Variants in CCDC154 observed in about 807,000 individuals in gnomAD.
CCDC154 encodes coiled-coil domain-containing protein 154.
A neutral mutation model predicts 87.5 loss-of-function variants in CCDC154; 91 were observed. The ratio of observed to expected loss-of-function variants is 1.04; its 90% CI spans 0.88 to 1.24. The LOEUF is 1.24. Among genes scored for constraint, CCDC154 ranks in the 50% most tolerant of loss-of-function variants. The probability of loss-of-function intolerance (pLI) is 0.00; values close to 1 mark genes in which losing one functional copy is unlikely to be tolerated. For synonymous variants in CCDC154, 418 were observed against 400.4 expected (o/e 1.04, Z -0.52); for missense variants, 903 against 879.2 (o/e 1.03, Z -0.34).
intron 13 of CCDC154, among the ~76,000 whole-genome samples, 179 bp from the exon 14 acceptor site, chr16:1,436,265 G>C (rs1011665900): frequency 6.6e-6 from 1 of 152,186 alleles, no homozygotes; most frequent in Non-Finnish European, 1.5e-5. Flanking sequence ...GGAGGGGCTG[G>C]AGGCGCCTCA....
At chr16:1,442,276 A>G in intron 6 of CCDC154, 130 bp downstream of exon 6, 1 of 1,116,702 alleles carries the variant, frequency 9.0e-7, no homozygotes, top group Middle Eastern at 2.8e-4. Flanking sequence ...ATTGTCTACA[A>G]CTATAGCTGA....
At position 1,436,513 on chromosome 16, in the gene CCDC154, ACT is replaced by A. The variant is rs773221815; in HGVS notation, c.1417_1418del (p.Ser473CysfsTer9). On this transcript the variant is annotated frameshift_variant, in exon 13 of 17. Transcript: ENST00000389176. LOFTEE classifies it high-confidence loss of function. ...KVDGLPQQIESVSDKCLLHKS... is the reference protein window; with the variant it reads ...KVDGLPQQIEXVSDKCLLHKS... Reference sequence around the variant, plus strand: ...TATGAAGCAGGCACTTGTCGGAGACACTCTCTATCTGAACACAGAGCCGGGAG... The same window carrying A: ...TATGAAGCAGGCACTTGTCGGAGACACTCTATCTGAACACAGAGCCGGGAG... 16 of 1,548,998 alleles carry A rather than the reference ACT, an allele frequency of 1.0e-5. No homozygotes were observed. The highest frequency in any genetic ancestry group is 2.4e-5 in the South Asian group (2 of 84,058).
chr16:1,439,850 A>G lies in CCDC154; in HGVS notation c.676-724T>C, dbSNP rs370580664. On this transcript the variant is annotated intron_variant, in intron 6 of 16. Transcript: ENST00000389176. Reference sequence around the variant, plus strand: ...ATGTAAAAAATGTTCCTGTGTGCCAATAAAACTTTATTTACAAAAACAAGC... The same window carrying G: ...ATGTAAAAAATGTTCCTGTGTGCCAGTAAAACTTTATTTACAAAAACAAGC... Among the ~76,000 whole-genome samples, 3 of 152,128 alleles carry G rather than the reference A, an allele frequency of 2.0e-5. No homozygotes were observed. In the East Asian group the frequency reaches 5.8e-4, roughly 29 times the overall value.
chr16:1,444,454 T>C lies in CCDC154; in HGVS notation c.-132A>G. On this transcript the variant is annotated 5_prime_UTR_variant, in exon 1 of 17. Coordinates refer to ENST00000389176, the MANE Select transcript of CCDC154 (RefSeq NM_001143980.3). ...GAAGTCCCGTGAGAGCTCTGGGCCT[T>C]GAGGGACGAGCTGCTGCCCTCGTCT... is the stretch of plus-strand genomic sequence containing the variant. The C allele has an allele frequency of 1.0e-6, 1 of 952,964 alleles. No individual in the cohort carries two copies. The allele number at this position is 952,964 out of a possible 1,614,324, so 59.0% of individuals were successfully genotyped here.
rs1356555919 is a variant in CCDC154 at position 1,434,542 on chromosome 16, G to C, written c.1878-8C>G. 6 of 1,541,758 alleles carry C rather than the reference G, an allele frequency of 3.9e-6. No homozygotes were observed. Among genetic ancestry groups the C allele is most frequent in the Admixed American group, 3.9e-5 (2 of 50,798 alleles). The stretch of plus-strand genomic sequence containing the variant: ...GCCTTCCAGCGCAGCCACCTGTCCA[G>C]AGATGCGGCACATGGCCCCTGCACC... On this transcript the variant is annotated splice_region_variant and splice_polypyrimidine_tract_variant and intron_variant, in intron 16 of 16. Coordinates refer to ENST00000389176, the MANE Select transcript of CCDC154 (RefSeq NM_001143980.3).
Position 1,437,762 on chromosome 16 carries a change from G to T in CCDC154, c.1290+55C>A, listed in dbSNP as rs115273209. On this transcript the variant is annotated intron_variant, in intron 11 of 16. Coordinates refer to ENST00000389176, the MANE Select transcript of CCDC154 (RefSeq NM_001143980.3). ...TGGGGGCAGTGGTGGGCTGAGAGCT[G>T]GAGGGGTGGGGACTCCCCATAGCCC... The T allele has an allele frequency of 1.5e-3, 2,196 of 1,484,604 alleles. 25 individuals are homozygous for T. In the African/African-American group the frequency reaches 0.026, roughly 17 times the overall value. The allele number at this position is 1,484,604 out of a possible 1,614,324, so 92.0% of individuals were successfully genotyped here. A position where few individuals can be genotyped will look rare whatever the true frequency, so the allele number is the denominator to read the frequency against.
chr16:1,436,312 G>A (rs1480744766), intron 13 of CCDC154, 133 bp downstream of exon 13: 4 of 922,384 alleles, frequency 4.3e-6, no homozygotes, highest in African/African-American at 1.6e-5. Flanking sequence ...GCCCGGTGCT[G>A]GGCCAGGCCC....
intron 6 of CCDC154, 128 bp downstream of exon 6, chr16:1,442,278 T>G: frequency 8.9e-7 from 1 of 1,121,496 alleles, no homozygotes; most frequent in Non-Finnish European, 1.2e-6. Flanking sequence ...TGTCTACAAC[T>G]ATAGCTGATT....
rs753232019 is a variant in CCDC154 at position 1,438,932 on chromosome 16, G to A, written c.789C>T (p.Ala263=). 1.3e-6 allele frequency: 2 copies of A among 1,549,438 alleles called. No homozygotes were observed. Among genetic ancestry groups the A allele is most frequent in the South Asian group, 2.4e-5 (2 of 83,984 alleles). The part of the protein sequence containing the change: ...SFLALEKRMK[A]SESSRLKLEG... ...CCAGCTTCAGCCGTGAGCTCTCCGA[G>A]GCCTTCATTCTCTGTGGGGAGACCC... Residue 263 remains alanine, a synonymous_variant, in exon 8 of 17, where the codon GCC becomes GCT. Coordinates refer to ENST00000389176, the MANE Select transcript of CCDC154 (RefSeq NM_001143980.3).
chr16:1,437,147 C>T (rs1043436210), intron 11 of CCDC154: 9 of 351,222 alleles, frequency 2.6e-5, no homozygotes, highest in East Asian at 1.7e-4. Flanking sequence ...GGTGGATGAG[C>T]GGGAACCGGG....
rs115164302 is a variant in CCDC154, at chr16:1,443,266, G to A, written c.450C>T (p.Asp150=). The part of the protein sequence containing the change: ...SGLQNQMQAL[D]KRLVEVREAL... The stretch of plus-strand genomic sequence containing the variant: ...CCTAGGTGTGTGGGGGGTACCTTTT[G>A]TCCAGGGCCTGCATCTGGTTCTGGA... Residue 150 remains aspartate, a synonymous_variant, in exon 4 of 17, where the codon GAC becomes GAT. Coordinates refer to ENST00000389176, the MANE Select transcript of CCDC154 (RefSeq NM_001143980.3). 1.7e-3 allele frequency: 2,697 copies of A among 1,549,212 alleles called. 37 individuals carry two copies. In the African/African-American group the frequency reaches 0.032, roughly 18 times the overall value.
At position 1,438,731 on chromosome 16, in the gene CCDC154, G is replaced by A; in HGVS notation, c.913C>T (p.His305Tyr). The change falls in exon 9 of 17, where the codon CAC (histidine) becomes TAC (tyrosine). Residue 305 changes from histidine to tyrosine, a missense_variant. Coordinates refer to ENST00000389176, the MANE Select transcript of CCDC154 (RefSeq NM_001143980.3). ...AGGCCCTGGCACTGCTCCAGGAGGT[G>A]GCTCTCCTGCCAGGGGGTGGAGGCC... The part of the protein sequence containing the change: ...RALQGQHEES[H>Y]LLEQCQGLDA... 1 of 1,549,544 alleles carries A rather than the reference G, an allele frequency of 6.5e-7. No individual in the cohort carries two copies. Among genetic ancestry groups the A allele is most frequent in the Non-Finnish European group, 8.7e-7 (1 of 1,146,532 alleles).
chr16:1,442,836 C>G, intron 5 of CCDC154, 44 bp downstream of exon 5: 1 of 1,515,598 alleles, frequency 6.6e-7, no homozygotes, highest in Admixed American at 2.0e-5. Context: ...TCTCAAATGA[C>G]CCCACGCAAG....
intron 6 of CCDC154, among the ~76,000 whole-genome samples, chr16:1,441,695 A>T (rs548773450): frequency 6.6e-6 from 1 of 152,168 alleles, no homozygotes; most frequent in Admixed American, 6.5e-5. Flanking sequence ...CTGTGTGGGG[A>T]GGGGTGGAGG....
At position 1,435,872 on chromosome 16, in the gene CCDC154, C is replaced by A. The variant is rs2038497126; in HGVS notation, c.1605+97G>T. The A allele has an allele frequency of 7.6e-6, 8 of 1,049,442 alleles. No individual in the cohort carries two copies. In the Admixed American group the frequency reaches 1.7e-4, roughly 23 times the overall value. The allele number at this position is 1,049,442 out of a possible 1,614,324, so 65.0% of individuals were successfully genotyped here. On this transcript the variant is annotated intron_variant, in intron 14 of 16. Transcript: ENST00000389176. The stretch of plus-strand genomic sequence containing the variant: ...CGTCTCCTGCTGGCTGGAAAATGCC[C>A]CGTAGGCTGGGGGTCCTGCCTCTCC...
At chr16:1,441,331 C>T (rs1182773095) in intron 6 of CCDC154, among the ~76,000 whole-genome samples, 1 of 152,210 alleles carries the variant, frequency 6.6e-6, no homozygotes, top group Non-Finnish European at 1.5e-5. Context: ...CGGCTCCGGG[C>T]AGTGGAGCTA....
rs1352026988 is a variant in CCDC154, at chr16:1,434,762, G to A, written c.1783C>T (p.Leu595Phe). ...ACCCGCGGCCTCACCAGGGATGGGA[G>A]CGCCTTCCAGCTGCCCAGCGGCGTC... ...PRTPLGSWKALPSLVRPRVFI... is the reference protein window; with the variant it reads ...PRTPLGSWKAFPSLVRPRVFI... Residue 595 changes from leucine (L) to phenylalanine (F), a missense_variant, in exon 16 of 17, where the codon CTC (leucine) becomes TTC (phenylalanine). Physicochemically the swap from Leu to Phe is conservative, Grantham distance 22. Transcript: ENST00000389176. 6.5e-7 allele frequency: 1 copy of A among 1,544,972 alleles called. No individual in the cohort carries two copies. Among genetic ancestry groups the A allele is most frequent in the Non-Finnish European group, 8.7e-7 (1 of 1,146,780 alleles).
At chr16:1,436,279 G>C (rs1012651169) in intron 13 of CCDC154, among the ~76,000 whole-genome samples, 166 bp downstream of exon 13, 3 of 152,198 alleles carry the variant, frequency 2.0e-5, no homozygotes, top group African/African-American at 7.2e-5. Context: ...CGCCTCAGAG[G>C]CTGCACCAGG....
intron 16 of CCDC154, 41 bp downstream of exon 16, chr16:1,434,627 C>A: frequency 6.5e-7 from 1 of 1,538,582 alleles, no homozygotes. Context: ...GAACCCCGGC[C>A]CAAAGGCCCA....
Sources: gnomAD v4.1 joint callset for allele counts (sites outside exome capture counted in the v4.1 genomes callset) on GRCh38, gnomAD v4.1.1 for gene constraint, MANE v1.5 for transcripts, NCBI Gene and HGNC (gene_info 2026-07-23, HGNC 2026-07-21) for gene names.